Variants in SMG1 observed in about 807,000 individuals in gnomAD.
The protein encoded by SMG1 is serine/threonine-protein kinase SMG1.
Under a neutral mutation model 419.9 loss-of-function variants are expected in SMG1, and 22 were observed. The observed-to-expected ratio is 0.05, with a 90% confidence interval of 0.04 to 0.07. SMG1 has a LOEUF of 0.07. Ranked by LOEUF, SMG1 falls within the 10% of genes least tolerant of loss-of-function variation. The probability of loss-of-function intolerance (pLI) is 1.00; values close to 1 mark genes in which losing one functional copy is unlikely to be tolerated. For missense variants in SMG1, 3,185 were observed against 4,342.0 expected (o/e 0.73, Z 7.49); for synonymous variants, 1,538 against 1,553.5 (o/e 0.99, Z 0.23).
chr16:18,884,812 G>A (rs1285125636), intron 8 of SMG1: 1 of 349,958 alleles, frequency 2.9e-6, no homozygotes, highest in Non-Finnish European at 5.1e-6. Context: ...TCCACTTCAG[G>A]GTATTGCCAC....
chr16:18,806,230 A>C lies in SMG1; in HGVS notation c.*3339T>G, dbSNP rs2030824015. ...AAAAACAAAAAACAATGCAGATAAC[A>C]CCAAACATTGGACAATATTAAGAAA... On this transcript the variant is annotated 3_prime_UTR_variant, in exon 63 of 63. Transcript: ENST00000446231. 6.6e-6 allele frequency: 1 copy of C among 152,616 alleles called. No homozygotes were observed. The highest frequency in any genetic ancestry group is 1.5e-5 in the Non-Finnish European group (1 of 68,026). 9.5% of individuals were successfully genotyped at this position (152,616 alleles called of 1,614,324 possible).
intron 26 of SMG1, among the ~76,000 whole-genome samples, chr16:18,860,117 C>G (rs1481428360): frequency 1.3e-5 from 2 of 152,128 alleles, no homozygotes; most frequent in African/African-American, 2.4e-5. Context: ...ACTCAGGAGG[C>G]TGAGGCAGGA....
intron 1 of SMG1, among the ~76,000 whole-genome samples, chr16:18,909,582 G>A (rs1394305303): frequency 2.6e-5 from 4 of 151,954 alleles, no homozygotes; most frequent in Non-Finnish European, 2.9e-5. Flanking sequence ...AACTCTAAAA[G>A]AAAATGAAAT....
At chr16:18,841,335 T>C (rs2033907355) in intron 41 of SMG1, among the ~76,000 whole-genome samples, 1 of 147,774 alleles carries the variant, frequency 6.8e-6, no homozygotes, top group Non-Finnish European at 1.5e-5. Context: ...GAGGCAGAAG[T>C]TGCAGTGACC....
At position 18,819,640 on chromosome 16, in the gene SMG1, T is replaced by G. The variant is rs1267350676; in HGVS notation, c.9756A>C (p.Ala3252=). The G allele has an allele frequency of 1.3e-6, 2 of 1,572,254 alleles. No individual in the cohort carries two copies. Among genetic ancestry groups the G allele is most frequent in the African/African-American group, 2.7e-5 (2 of 73,844 alleles). The change falls in exon 56 of 63, where the codon GCA becomes GCC. Residue 3252 remains alanine (A), a synonymous_variant. Transcript: ENST00000446231. ...SIATVQEKLA[A]LESSIEQRLK... ...GTCGCTGTTCAATACTTGATTCAAG[T>G]GCAGCTAGCTTCTCCTATAAAAGCC...
intron 60 of SMG1, among the ~76,000 whole-genome samples, chr16:18,814,126 C>A (rs2031759134): frequency 6.8e-6 from 1 of 146,348 alleles, no homozygotes; most frequent in Non-Finnish European, 1.5e-5. Context: ...GCCATTAAGT[C>A]ATTTTTAAAA....
chr16:18,903,899 T>C (rs897901601), intron 1 of SMG1, among the ~76,000 whole-genome samples: 3 of 151,892 alleles, frequency 2.0e-5, no homozygotes, highest in African/African-American at 7.3e-5. Context: ...CATCTGGATC[T>C]GTCTATTCCC....
chr16:18,909,599 T>C lies in SMG1; in HGVS notation c.93-12643A>G, dbSNP rs1359973304. On this transcript the variant is annotated intron_variant, in intron 1 of 62. Transcript: ENST00000446231. Reference sequence around the variant, plus strand: ...CTCTAAAAGAAAATGAAATAAAAAATTTTAAACGTCAATTTAATTAGAGGT... The same window carrying C: ...CTCTAAAAGAAAATGAAATAAAAAACTTTAAACGTCAATTTAATTAGAGGT... Among the ~76,000 whole-genome samples, 5 of 152,082 alleles carry C rather than the reference T, an allele frequency of 3.3e-5. No homozygotes were observed. In the East Asian group the frequency reaches 5.8e-4, roughly 18 times the overall value.
intron 39 of SMG1, 28 bp from the exon 40 acceptor site, chr16:18,842,482 TTTACA>T (rs1175688620): frequency 2.5e-6 from 4 of 1,601,288 alleles, no homozygotes; most frequent in African/African-American, 1.3e-5. Context: ...GAGAAACAAA[TTTACA>T]TTACATTAGA....
In SMG1 at chr16:18,841,830, A is replaced by ATTAAACAGGGT. The variant is rs762277573; in HGVS notation, c.6467-47_6467-37dup. The ATTAAACAGGGT allele has an allele frequency of 5.1e-6, 8 of 1,570,942 alleles. No individual in the cohort carries two copies. The East Asian group carries it at 1.8e-4, about 35-fold the overall frequency. On this transcript the variant is annotated intron_variant, in intron 40 of 62. Coordinates refer to ENST00000446231, the MANE Select transcript of SMG1 (RefSeq NM_015092.5). The stretch of plus-strand genomic sequence containing the variant: ...AAAATTAAAATAGCTAGGATAGGTG[A>ATTAAACAGGGT]TTAAACAGGGTTGGGAGCATACCAC...
rs921406111 is a variant in SMG1 at position 18,872,245 on chromosome 16, A to G, written c.2122T>C (p.Ser708Pro). The G allele has an allele frequency of 6.3e-7, 1 of 1,590,526 alleles. No individual in the cohort carries two copies. Among genetic ancestry groups the G allele is most frequent in the East Asian group, 2.2e-5 (1 of 44,732 alleles). ...ATTCCCAGAAGATTTAATATAATTG[A>G]GAAATGTTTCTTTGTAGCCGTAGTT... ...TVTTATKKHF[S>P]IILNLLGILL... The change falls in exon 15 of 63, where the codon TCA becomes CCA. Residue 708 changes from serine to proline, a missense_variant. Transcript: ENST00000446231.
Position 18,845,416 on chromosome 16 carries a change from G to C in SMG1, c.6219+13C>G. 6.2e-7 allele frequency: 1 copy of C among 1,607,942 alleles called. No individual in the cohort carries two copies. Among genetic ancestry groups the C allele is most frequent in the Non-Finnish European group, 8.5e-7 (1 of 1,175,126 alleles). On this transcript the variant is annotated intron_variant, in intron 39 of 62. Coordinates refer to ENST00000446231, the MANE Select transcript of SMG1 (RefSeq NM_015092.5). The stretch of plus-strand genomic sequence containing the variant: ...TGTGCCATTTCAGTAGCATGCTTGG[G>C]ATTATTCTGTACCTCTTTAAATGGA...
intron 51 of SMG1, among the ~76,000 whole-genome samples, chr16:18,831,790 T>TATATATATATAC (rs1303131673): frequency 1.5e-5 from 2 of 137,276 alleles, no homozygotes; most frequent in African/African-American, 5.2e-5. Flanking sequence ...TATATATATA[T>TATATATATATAC]ACACACACAC....
intron 1 of SMG1, among the ~76,000 whole-genome samples, chr16:18,897,617 T>TA (rs1161282202): frequency 2.6e-5 from 4 of 152,172 alleles, no homozygotes; most frequent in Admixed American, 1.3e-4. Context: ...ATAATCTATT[T>TA]AAAATTCAGG....
intron 1 of SMG1, among the ~76,000 whole-genome samples, chr16:18,917,128 C>CT (rs1166254920): frequency 2.6e-5 from 4 of 151,858 alleles, no homozygotes; most frequent in African/African-American, 9.7e-5. Context: ...GAGCTGAACA[C>CT]TTTTACCTTA....
chr16:18,870,766 G>A, intron 17 of SMG1, 35 bp downstream of exon 17: 6 of 1,501,124 alleles, frequency 4.0e-6, no homozygotes, highest in South Asian at 1.2e-5. Flanking sequence ...AGGTTATTAG[G>A]GTTAATGTCA....
intron 6 of SMG1, among the ~76,000 whole-genome samples, 185 bp from the exon 7 acceptor site, chr16:18,885,851 C>G (rs2036589683): frequency 6.6e-6 from 1 of 151,628 alleles, no homozygotes; most frequent in Non-Finnish European, 1.5e-5. Flanking sequence ...GAGGCTGAGA[C>G]ACAAGAATCG....
At position 18,841,602 on chromosome 16, in the gene SMG1, C is replaced by T; in HGVS notation, c.6659G>A (p.Arg2220Gln). 1.2e-6 allele frequency: 2 copies of T among 1,613,894 alleles called. No individual in the cohort carries two copies. Among genetic ancestry groups the T allele is most frequent in the East Asian group, 2.2e-5 (1 of 44,864 alleles). The change falls in exon 41 of 63, where the codon CGA (arginine) becomes CAA (glutamine). Residue 2220 changes from arginine (R) to glutamine (Q), a missense_variant. By Grantham distance (43) the Arg-to-Gln change is conservative. Transcript: ENST00000446231. ...TAAGGCAGCTTCCCGTTGTTGCCATCGTTTGTAAAGACCAAATAAGGGTGT... is the reference window on the plus strand; with the variant it reads ...TAAGGCAGCTTCCCGTTGTTGCCATTGTTTGTAAAGACCAAATAAGGGTGT... ...GATPLFGLYK[R>Q]WQQREAALQA... is the part of the protein sequence containing the mutation.
Position 18,864,034 on chromosome 16 carries a change from C to A in SMG1, c.3461G>T (p.Arg1154Leu). 1 of 1,550,038 alleles carries A rather than the reference C, an allele frequency of 6.5e-7. No homozygotes were observed. Among genetic ancestry groups the A allele is most frequent in the Non-Finnish European group, 8.7e-7 (1 of 1,146,986 alleles). The change falls in exon 24 of 63, where the codon CGT becomes CTT. Residue 1154 changes from arginine (R) to leucine (L), a missense_variant. Coordinates refer to ENST00000446231, the MANE Select transcript of SMG1 (RefSeq NM_015092.5). The part of the protein sequence containing the change: ...KSVLTLANAG[R>L]NSASPKHSLN... ...AGAATGTTTCGGGCTGGCACTGTTA[C>A]GCCCAGCATTGGCTAAGGTGAGCAC...
Sources: allele counts gnomAD v4.1 joint callset (sites outside exome capture counted in the v4.1 genomes callset), GRCh38; gene constraint gnomAD v4.1.1; transcripts MANE v1.5; gene names NCBI Gene and HGNC (gene_info 2026-07-23, HGNC 2026-07-21).